The following DBX2 variants were observed in gnomAD, a reference collection of about 807,000 sequenced individuals.
DBX2 encodes developing brain homeobox 2, also known as homeobox protein DBX2.
In DBX2, 16 loss-of-function variants were observed where a neutral mutation model predicts 17.7. The ratio of observed to expected loss-of-function variants is 0.90; its 90% CI spans 0.61 to 1.37. DBX2 has a LOEUF of 1.37. Among genes scored for constraint, DBX2 ranks in the 40% most tolerant of loss-of-function variants. The pLI is 0.00. For missense variants in DBX2, 538 were observed against 433.8 expected (o/e 1.24, Z -2.13); for synonymous variants, 255 against 183.8 (o/e 1.39, Z -3.13).
rs1192927184 is a variant in DBX2, at chr12:45,050,570, G to A, written c.358C>T (p.Arg120Trp). 3.7e-5 allele frequency: 58 copies of A among 1,552,420 alleles called. No homozygotes were observed. The highest frequency in any genetic ancestry group is 3.6e-4 in the Middle Eastern group (2 of 5,524). ...GTACAGTCTCGGTCCCCCGGAGCCC[G>A]GCCCGGCAGCCTCGCACTGTCCGCA... ...PSADSARLPG[R>W]APGDRDCTFQ... is the part of the protein sequence containing the mutation. Residue 120 changes from arginine (R) to tryptophan (W), a missense_variant, in exon 1 of 4, where the codon CGG becomes TGG. Arg to Trp is a moderately radical substitution (Grantham distance 101, BLOSUM62 -3). Transcript: ENST00000332700.
chr12:45,036,087 G>A lies in DBX2; in HGVS notation c.431C>T (p.Thr144Ile). 6.2e-7 allele frequency: 1 copy of A among 1,613,390 alleles called. No homozygotes were observed. Among genetic ancestry groups the A allele is most frequent in the Non-Finnish European group, 8.5e-7 (1 of 1,179,786 alleles). Residue 144 changes from threonine (T) to isoleucine (I), a missense_variant, in exon 2 of 4, where the codon ACC becomes ATC. Coordinates refer to ENST00000332700, the MANE Select transcript of DBX2 (RefSeq NM_001004329.3). ...PAPSKPFLLS[T>I]PPFYSACCGG... ...GCAGCACGCCGAGTAGAATGGCGGG[G>A]TGCTCAGAAGGAAAGGTTTGGAAGG...
rs1234830700 is a variant in DBX2, at chr12:45,015,141, T to C, written c.*1145A>G. ...CTTCTGGATTAACTCAGCAAATCGTTACCAGAAATGCAATTTTAGAAAGAT... is the reference window on the plus strand; with the variant it reads ...CTTCTGGATTAACTCAGCAAATCGTCACCAGAAATGCAATTTTAGAAAGAT... On this transcript the variant is annotated 3_prime_UTR_variant, in exon 4 of 4. Coordinates refer to ENST00000332700, the MANE Select transcript of DBX2 (RefSeq NM_001004329.3). 1 of 152,212 alleles carries C rather than the reference T, an allele frequency of 6.6e-6. No individual in the cohort carries two copies. The highest frequency in any genetic ancestry group is 1.5e-5 in the Non-Finnish European group (1 of 68,030). 9.4% of individuals were successfully genotyped at this position (152,212 alleles called of 1,614,324 possible).
intron 3 of DBX2, among the ~76,000 whole-genome samples, chr12:45,019,520 C>G (rs554400142): frequency 1.3e-5 from 2 of 152,012 alleles, no homozygotes; most frequent in Non-Finnish European, 2.9e-5. Flanking sequence ...ATGTCAGTAT[C>G]TAATTTGATA....
At chr12:45,034,919 T>C (rs1320231057) in intron 2 of DBX2, among the ~76,000 whole-genome samples, 1 of 152,172 alleles carries the variant, frequency 6.6e-6, no homozygotes, top group Non-Finnish European at 1.5e-5. Flanking sequence ...AAAATCGTGG[T>C]GAGGTCGCGT....
chr12:45,029,897 AATAAATAAAT>A (rs1045311578), intron 2 of DBX2, among the ~76,000 whole-genome samples: 2 of 150,160 alleles, frequency 1.3e-5, no homozygotes, highest in Admixed American at 6.6e-5. Context: ...TAAATAAATA[AATAAATAAAT>A]AAATAAAAAT....
At position 45,031,225 on chromosome 12, in the gene DBX2, TGA is replaced by T. The variant is rs72031074; in HGVS notation, c.499+4792_499+4793del. On this transcript the variant is annotated intron_variant, in intron 2 of 3. Coordinates refer to ENST00000332700, the MANE Select transcript of DBX2 (RefSeq NM_001004329.3). ...GTGTGTGTGTGTGTGTGTGTGTGTG[TGA>T]GAGAGAGAGAGAGAGAGAGAGAGAG... 1.7e-3 allele frequency among the ~76,000 whole-genome samples: 149 copies of T among 85,654 alleles called. 2 individuals are homozygous for T. The highest frequency in any genetic ancestry group is 4.1e-3 in the African/African-American group (90 of 21,756). 56.2% of individuals were successfully genotyped at this position (85,654 alleles called of 152,430 possible).
chr12:45,046,437 A>G (rs1023039655), intron 1 of DBX2, among the ~76,000 whole-genome samples: 1 of 152,174 alleles, frequency 6.6e-6, no homozygotes, highest in Non-Finnish European at 1.5e-5. Context: ...CTGGTTCTGA[A>G]TCAGCATCAT....
chr12:45,038,040 G>T (rs1353153289), intron 1 of DBX2, among the ~76,000 whole-genome samples: 3 of 151,996 alleles, frequency 2.0e-5, no homozygotes, highest in South Asian at 4.1e-4. Context: ...CTATAAAACT[G>T]TCATGGAAAT....
In DBX2 at chr12:45,050,849, CG is replaced by C; in HGVS notation, c.78del (p.Ala27LeufsTer13). 6.5e-7 allele frequency: 1 copy of C among 1,538,300 alleles called. No homozygotes were observed. Among genetic ancestry groups the C allele is most frequent in the Non-Finnish European group, 8.7e-7 (1 of 1,145,432 alleles). ...CCCAGGTTGCCAAAGCCGGGCGCAGCGGGGAGGTTGAGGAGCGCGGAGGAAG... is the reference window on the plus strand; with the variant it reads ...CCCAGGTTGCCAAAGCCGGGCGCAGCGGGAGGTTGAGGAGCGCGGAGGAAG... ...VVASSALLNLPAAPGFGNLGK... is the reference protein window; with the variant it reads ...VVASSALLNLXAAPGFGNLGK... On this transcript the variant is annotated frameshift_variant, in exon 1 of 4. Coordinates refer to ENST00000332700, the MANE Select transcript of DBX2 (RefSeq NM_001004329.3). LOFTEE classifies it high-confidence loss of function.
chr12:45,023,304 T>C (rs35514455), intron 3 of DBX2, among the ~76,000 whole-genome samples: 17,490 of 152,228 alleles, frequency 0.11, 1,094 homozygotes, highest in African/African-American at 0.16. Context: ...AAAAGAAAGA[T>C]AGTAAAAGTG....
chr12:45,019,379 T>A (rs530118642), intron 3 of DBX2, among the ~76,000 whole-genome samples: 65 of 152,210 alleles, frequency 4.3e-4, no homozygotes, highest in African/African-American at 1.4e-3. Flanking sequence ...CCTCACGTTC[T>A]GGTAGTTAGG....
chr12:45,030,600 C>T (rs1946404285), intron 2 of DBX2, among the ~76,000 whole-genome samples: 1 of 152,196 alleles, frequency 6.6e-6, no homozygotes, highest in South Asian at 2.1e-4. Flanking sequence ...AGCCTTTGCT[C>T]GCAACCTGGG....
At chr12:45,041,649 C>T (rs1241055039) in intron 1 of DBX2, among the ~76,000 whole-genome samples, 3 of 152,062 alleles carry the variant, frequency 2.0e-5, no homozygotes, top group Admixed American at 2.0e-4. Context: ...AACAAAGGGT[C>T]TTAATGTTTT....
intron 2 of DBX2, among the ~76,000 whole-genome samples, chr12:45,035,008 T>C (rs1388925099): frequency 3.3e-5 from 5 of 152,244 alleles, no homozygotes; most frequent in Non-Finnish European, 7.3e-5. Flanking sequence ...TGTAAAGTGC[T>C]CTGTGGGAAA....
At chr12:45,037,662 G>A (rs1946447899) in intron 1 of DBX2, among the ~76,000 whole-genome samples, 1 of 151,992 alleles carries the variant, frequency 6.6e-6, no homozygotes, top group Middle Eastern at 3.2e-3. Flanking sequence ...AGTAATTTCA[G>A]ACTTGTATTT....
At chr12:45,047,535 G>T (rs944752592) in intron 1 of DBX2, among the ~76,000 whole-genome samples, 9 of 151,976 alleles carry the variant, frequency 5.9e-5, no homozygotes, top group Non-Finnish European at 1.0e-4. Flanking sequence ...CAATTTTCAG[G>T]GATGAAGCAC....
chr12:45,028,820 T>C (rs1254065496), intron 2 of DBX2, among the ~76,000 whole-genome samples: 1 of 152,194 alleles, frequency 6.6e-6, no homozygotes, highest in African/African-American at 2.4e-5. Flanking sequence ...GAATATTATA[T>C]TCTTTCCTTC....
intron 2 of DBX2, among the ~76,000 whole-genome samples, chr12:45,033,452 T>C (rs1332800439): frequency 6.6e-6 from 1 of 152,126 alleles, no homozygotes; most frequent in East Asian, 1.9e-4. Flanking sequence ...ATCATTCTTA[T>C]TATTAGAAAA....
rs575640992 is a variant in DBX2, at chr12:45,023,331, G to T, written c.687+376C>A. On this transcript the variant is annotated intron_variant, in intron 3 of 3. Coordinates refer to ENST00000332700, the MANE Select transcript of DBX2 (RefSeq NM_001004329.3). ...GTAAAAGTGGTTCCTACTTTTTGAAGAATTATTTACCTGTTTCTCTGAACA... is the reference window on the plus strand; with the variant it reads ...GTAAAAGTGGTTCCTACTTTTTGAATAATTATTTACCTGTTTCTCTGAACA... Among the ~76,000 whole-genome samples the T allele has an allele frequency of 3.3e-5, 5 of 152,224 alleles. No homozygotes were observed. In the South Asian group the frequency reaches 1.0e-3, roughly 32 times the overall value.
Sources: gnomAD v4.1 joint callset for allele counts (sites outside exome capture counted in the v4.1 genomes callset) on GRCh38, gnomAD v4.1.1 for gene constraint, MANE v1.5 for transcripts, NCBI Gene and HGNC (gene_info 2026-07-23, HGNC 2026-07-21) for gene names.